Variants in PCDHA5 observed in about 807,000 individuals in gnomAD.
PCDHA5 encodes protocadherin alpha 5.
A neutral mutation model predicts 61.6 loss-of-function variants in PCDHA5; 43 were observed. That is an observed-to-expected ratio of 0.70 (90% CI 0.55 to 0.90). The LOEUF (loss-of-function observed/expected upper bound fraction) is 0.90. PCDHA5 is among the 40% of genes least tolerant of loss of function. The pLI, the probability that PCDHA5 is intolerant of heterozygous loss-of-function variation, is 0.00. For synonymous variants in PCDHA5, 627 were observed against 543.9 expected (o/e 1.15, Z -2.13); for missense variants, 1,298 against 1,222.7 (o/e 1.06, Z -0.92).
At chr5:140,836,112 G>A in intron 1 of PCDHA5, 2 of 1,613,758 alleles carry the variant, frequency 1.2e-6, no homozygotes, top group South Asian at 2.2e-5. Context: ...TGGTGGCGCA[G>A]TGAGAGAGCT....
chr5:140,889,434 G>T (rs1349291699), intron 1 of PCDHA5, among the ~76,000 whole-genome samples: 1 of 151,774 alleles, frequency 6.6e-6, no homozygotes, highest in African/African-American at 2.4e-5. Context: ...ATTTTTTCAG[G>T]TATTTTCCTG....
intron 1 of PCDHA5, chr5:140,863,226 C>CCGA: frequency 1.7e-6 from 2 of 1,160,306 alleles, no homozygotes; most frequent in Non-Finnish European, 2.5e-6. Context: ...CGAGGAAGGT[C>CCGA]CCATCGCGGG....
chr5:140,893,725 C>A (rs782492563), intron 1 of PCDHA5, among the ~76,000 whole-genome samples: 4 of 152,154 alleles, frequency 2.6e-5, no homozygotes, highest in Non-Finnish European at 5.9e-5. Context: ...GCTGAGAAAT[C>A]TGCTGTTAGT....
chr5:140,923,529 A>C lies in PCDHA5; in HGVS notation c.2353-55420A>C, dbSNP rs915297152. Among the ~76,000 whole-genome samples the C allele has an allele frequency of 1.5e-4, 23 of 152,138 alleles. 1 individual carries two copies. The highest frequency in any genetic ancestry group is 1.2e-3 in the Admixed American group (19 of 15,268). On this transcript the variant is annotated intron_variant, in intron 1 of 3. Transcript: ENST00000529859. ...GGATGATGAAGTGAGATTCTGTCCC[A>C]AAAAAAGGACAAAATGAAATATCAG... is the stretch of plus-strand genomic sequence containing the variant.
At chr5:140,846,407 C>G (rs1780453482) in intron 1 of PCDHA5, among the ~76,000 whole-genome samples, 4 of 124,998 alleles carry the variant, frequency 3.2e-5, no homozygotes, top group Admixed American at 1.8e-4. Context: ...CGGAGTCTCG[C>G]TCTATCTCCC....
At chr5:140,892,811 T>C (rs1554185379) in intron 1 of PCDHA5, among the ~76,000 whole-genome samples, 1 of 152,210 alleles carries the variant, frequency 6.6e-6, no homozygotes, top group Non-Finnish European at 1.5e-5. Context: ...TAACCATATT[T>C]ATCCTACAGT....
intron 1 of PCDHA5, chr5:140,862,204 A>C: frequency 5.7e-6 from 1 of 176,474 alleles, no homozygotes; most frequent in Non-Finnish European, 1.2e-5. Flanking sequence ...ATGTTTGATC[A>C]CTGCACAGAC....
chr5:140,956,852 G>A (rs931766503), intron 1 of PCDHA5, among the ~76,000 whole-genome samples: 1 of 152,062 alleles, frequency 6.6e-6, no homozygotes. Flanking sequence ...TGGGTTAAAT[G>A]GTTGAATGAA....
rs2086150778 is a variant in PCDHA5, at chr5:140,929,428, G to C, written c.2353-49521G>C. ...AGCCTTTCACAACATTTCATCAATT[G>C]AACTAAACACTCCTTCTTAGCACTT... On this transcript the variant is annotated intron_variant, in intron 1 of 3. Coordinates refer to ENST00000529859, the MANE Select transcript of PCDHA5 (RefSeq NM_018908.3). 4 of 1,491,484 alleles carry C rather than the reference G, an allele frequency of 2.7e-6. No homozygotes were observed. The East Asian group carries it at 6.9e-5, about 26-fold the overall frequency. 92.4% of individuals were successfully genotyped at this position (1,491,484 alleles called of 1,614,324 possible). A position where few individuals can be genotyped will look rare whatever the true frequency, so the allele number is the denominator to read the frequency against.
At chr5:140,884,396 C>G in intron 1 of PCDHA5, 1 of 1,614,012 alleles carries the variant, frequency 6.2e-7, no homozygotes, top group Non-Finnish European at 8.5e-7. Flanking sequence ...GGTGTCCAGC[C>G]TGTTGGTGCT....
chr5:140,906,575 T>C (rs1443480852), intron 1 of PCDHA5, among the ~76,000 whole-genome samples: 1 of 152,242 alleles, frequency 6.6e-6, no homozygotes, highest in Non-Finnish European at 1.5e-5. Context: ...ATAGCTGGTA[T>C]TGATGACTAC....
At chr5:140,964,446 G>A (rs782155669) in intron 1 of PCDHA5, among the ~76,000 whole-genome samples, 2 of 152,100 alleles carry the variant, frequency 1.3e-5, no homozygotes, top group Non-Finnish European at 2.9e-5. Context: ...CTCTGCCACT[G>A]TAATCTCTTC....
At chr5:140,865,904 T>A (rs1554159710) in intron 1 of PCDHA5, 1 of 152,148 alleles carries the variant, frequency 6.6e-6, no homozygotes. Context: ...TACAGGCAAA[T>A]CTTTCTTTCT....
At chr5:140,980,595 A>G (rs2096897056) in intron 2 of PCDHA5, among the ~76,000 whole-genome samples, 1 of 152,222 alleles carries the variant, frequency 6.6e-6, no homozygotes, top group South Asian at 2.1e-4. Context: ...GAGCCACTGC[A>G]CTCCAGCCTG....
chr5:140,856,904 C>A, intron 1 of PCDHA5: 2 of 1,596,242 alleles, frequency 1.3e-6, no homozygotes, highest in Non-Finnish European at 1.7e-6. Context: ...TTTGGTCCCA[C>A]CCACGATAAG....
At chr5:140,906,982 G>A (rs1298159889) in intron 1 of PCDHA5, among the ~76,000 whole-genome samples, 3 of 152,140 alleles carry the variant, frequency 2.0e-5, no homozygotes, top group African/African-American at 7.2e-5. Flanking sequence ...TCTTCTGGTG[G>A]CAGCATTCCT....
intron 1 of PCDHA5, chr5:140,834,206 C>G: frequency 1.6e-6 from 1 of 620,932 alleles, no homozygotes; most frequent in African/African-American, 1.8e-5. Flanking sequence ...ACCGCAAATT[C>G]TTTCGTAATC....
chr5:140,825,182 T>C (rs1768472310), intron 1 of PCDHA5: 1 of 151,808 alleles, frequency 6.6e-6, no homozygotes. Context: ...CTAATGTATC[T>C]TGATGATCAT....
Position 140,850,211 on chromosome 5 carries a change from C to A in PCDHA5, c.2352+26084C>A, listed in dbSNP as rs2150473492. The stretch of plus-strand genomic sequence containing the variant: ...CGCTGCTGACACCTCGGATGAGGGG[C>A]ACTGACGGCGCAGTGAGCGAGATGG... On this transcript the variant is annotated intron_variant, in intron 1 of 3. Coordinates refer to ENST00000529859, the MANE Select transcript of PCDHA5 (RefSeq NM_018908.3). The A allele has an allele frequency of 5.0e-6, 8 of 1,593,540 alleles. 1 individual carries two copies. Among genetic ancestry groups the A allele is most frequent in the Non-Finnish European group, 6.0e-6 (7 of 1,167,626 alleles).
Sources: gnomAD v4.1 joint callset for allele counts (sites outside exome capture counted in the v4.1 genomes callset) on GRCh38, gnomAD v4.1.1 for gene constraint, MANE v1.5 for transcripts, NCBI Gene and HGNC (gene_info 2026-07-23, HGNC 2026-07-21) for gene names.